Variants in SH3KBP1 observed in about 807,000 individuals in gnomAD.
SH3KBP1 encodes the protein SH3 domain containing kinase binding protein 1.
SH3KBP1 carries 8 observed loss-of-function variants against 50.1 expected under a neutral mutation model. The ratio of observed to expected loss-of-function variants is 0.16; its 90% CI spans 0.09 to 0.29. The LOEUF is 0.29. Among genes scored for constraint, SH3KBP1 ranks in the 10% least tolerant of loss-of-function variants. The pLI is 1.00. For synonymous variants in SH3KBP1, 227 were observed against 218.6 expected (o/e 1.04, Z -0.34); for missense variants, 377 against 535.2 (o/e 0.70, Z 2.92).
intron 2 of SH3KBP1, among the ~76,000 whole-genome samples, chrX:19,823,847 A>G (rs1033434412): frequency 2.7e-5 from 3 of 111,839 alleles, no homozygotes; most frequent in African/African-American, 9.8e-5. Flanking sequence ...TTTTTGAGAT[A>G]GTCTCACTCT....
intron 6 of SH3KBP1, among the ~76,000 whole-genome samples, chrX:19,664,923 C>T (rs754992888): frequency 1.8e-5 from 2 of 112,153 alleles, no homozygotes; most frequent in Non-Finnish European, 3.8e-5. Context: ...CTTGTTCTTC[C>T]AATGTAGTAA....
At chrX:19,812,820 C>T (rs2147289720) in intron 2 of SH3KBP1, among the ~76,000 whole-genome samples, 1 of 110,871 alleles carries the variant, frequency 9.0e-6, no homozygotes, top group East Asian at 2.8e-4. Context: ...ACAAACAATA[C>T]AAAAATTAGC....
chrX:19,842,304 G>A (rs764459380), intron 1 of SH3KBP1, among the ~76,000 whole-genome samples: 1 of 112,282 alleles, frequency 8.9e-6, no homozygotes, highest in African/African-American at 3.2e-5. Flanking sequence ...GAGGCGGGCA[G>A]ATCACAAGGT....
intron 1 of SH3KBP1, among the ~76,000 whole-genome samples, chrX:19,847,630 T>G (rs774945292): frequency 8.9e-6 from 1 of 112,254 alleles, no homozygotes; most frequent in Non-Finnish European, 1.9e-5. Context: ...CACCATAATG[T>G]GCAGGTTATT....
chrX:19,672,346 G>T (rs1271949861), intron 6 of SH3KBP1, among the ~76,000 whole-genome samples: 1 of 111,982 alleles, frequency 8.9e-6, no homozygotes, highest in Non-Finnish European at 1.9e-5. Context: ...AGTGGGAGGG[G>T]CACAGAGTAC....
chrX:19,865,977 C>T (rs2068895566), intron 1 of SH3KBP1, among the ~76,000 whole-genome samples: 1 of 112,202 alleles, frequency 8.9e-6, no homozygotes, highest in Non-Finnish European at 1.9e-5. Context: ...TAAGCAATTA[C>T]TCCCTAGGGA....
intron 7 of SH3KBP1, among the ~76,000 whole-genome samples, chrX:19,635,679 C>T (rs1021765470): frequency 1.8e-5 from 2 of 110,848 alleles, no homozygotes; most frequent in Non-Finnish European, 3.8e-5. Flanking sequence ...CAAAGATGTT[C>T]CTGACTTCCA....
In SH3KBP1 at chrX:19,535,795, C is replaced by T. The variant is rs1478269196; in HGVS notation, c.*622G>A. ...AGAAGGCACAGATCATTGCAAATAC[C>T]AGATTTTCTCTTTCTCTTTTTGTAA... is the stretch of plus-strand genomic sequence containing the variant. On this transcript the variant is annotated 3_prime_UTR_variant, in exon 18 of 18. Transcript: ENST00000397821. 9.0e-6 allele frequency: 1 copy of T among 111,490 alleles called. No homozygotes were observed. The highest frequency in any genetic ancestry group is 1.9e-5 in the Non-Finnish European group (1 of 53,050). 9.2% of individuals were successfully genotyped at this position (111,490 alleles called of 1,213,427 possible). A position where few individuals can be genotyped will look rare whatever the true frequency, so the allele number is the denominator to read the frequency against.
At chrX:19,541,595 G>A (rs151027926) in intron 16 of SH3KBP1, among the ~76,000 whole-genome samples, 21 of 112,405 alleles carry the variant, frequency 1.9e-4, no homozygotes, top group African/African-American at 6.8e-4. Flanking sequence ...AGTGGTTCAT[G>A]TACATACTGT....
At chrX:19,698,702 C>T (rs1476756233) in intron 4 of SH3KBP1, among the ~76,000 whole-genome samples, 1 of 111,492 alleles carries the variant, frequency 9.0e-6, no homozygotes, top group Non-Finnish European at 1.9e-5. Context: ...ATAGCCAGGC[C>T]AGCTGTTTTG....
chrX:19,782,351 C>T, intron 2 of SH3KBP1, among the ~76,000 whole-genome samples: 1 of 111,618 alleles, frequency 9.0e-6, no homozygotes, highest in Non-Finnish European at 1.9e-5. Flanking sequence ...CTTCTGGCTT[C>T]CAGAAATCAG....
At chrX:19,773,498 C>A (rs866159402) in intron 2 of SH3KBP1, among the ~76,000 whole-genome samples, 2 of 78,764 alleles carry the variant, frequency 2.5e-5, no homozygotes, top group African/African-American at 1.1e-4. Context: ...CACACAAACA[C>A]ACACACACAC....
intron 2 of SH3KBP1, among the ~76,000 whole-genome samples, chrX:19,763,271 T>C (rs1340135709): frequency 8.9e-6 from 1 of 112,375 alleles, no homozygotes; most frequent in Non-Finnish European, 1.9e-5. Context: ...AATTTATCAA[T>C]TACACTCCCA....
chrX:19,622,175 T>C (rs745612857), intron 8 of SH3KBP1, among the ~76,000 whole-genome samples: 19 of 112,350 alleles, frequency 1.7e-4, no homozygotes, highest in Admixed American at 4.7e-4. Context: ...AATATGAAGA[T>C]GACAGGTTAA....
intron 16 of SH3KBP1, among the ~76,000 whole-genome samples, chrX:19,540,507 G>T (rs750418001): frequency 8.9e-6 from 1 of 111,751 alleles, no homozygotes; most frequent in Non-Finnish European, 1.9e-5. Context: ...CTTCAGAAAA[G>T]AACTTAAGTT....
At chrX:19,668,935 AATAT>A (rs56844238) in intron 6 of SH3KBP1, among the ~76,000 whole-genome samples, 1,508 of 32,793 alleles carry the variant, frequency 0.046, 47 homozygotes, top group Non-Finnish European at 0.072. Flanking sequence ...GATTGAGGGT[AATAT>A]ATATATATAT....
At chrX:19,683,705 G>T in intron 6 of SH3KBP1, 118 bp downstream of exon 6, 1 of 629,736 alleles carries the variant, frequency 1.6e-6, no homozygotes, top group Non-Finnish European at 2.6e-6. Flanking sequence ...CAAACAACTA[G>T]TACATGAGGA....
At chrX:19,858,005 CCTGT>C (rs987102625) in intron 1 of SH3KBP1, among the ~76,000 whole-genome samples, 6 of 109,558 alleles carry the variant, frequency 5.5e-5, no homozygotes, top group African/African-American at 1.7e-4. Flanking sequence ...ATGGCGAAAC[CCTGT>C]CTCTACTAAA....
rs1275660511 is a variant in SH3KBP1, at chrX:19,620,281, C to T, written c.897+11583G>A. ...GTATTCTTCATTCCACAGATAAGGA[C>T]TGGGAAGGAACAGGAGGTGAAGGGC... On this transcript the variant is annotated intron_variant, in intron 8 of 17. Coordinates refer to ENST00000397821, the MANE Select transcript of SH3KBP1 (RefSeq NM_031892.3). Among the ~76,000 whole-genome samples, 3 of 111,941 alleles carry T rather than the reference C, an allele frequency of 2.7e-5. No homozygotes were observed. In the Admixed American group the frequency reaches 2.8e-4, roughly 11 times the overall value.
Sources: gnomAD v4.1 joint callset for allele counts (sites outside exome capture counted in the v4.1 genomes callset) on GRCh38, gnomAD v4.1.1 for gene constraint, MANE v1.5 for transcripts, NCBI Gene and HGNC (gene_info 2026-07-23, HGNC 2026-07-21) for gene names.